Variants in GAB2 observed in about 807,000 individuals in gnomAD.
The protein encoded by GAB2 is GRB2 associated binding protein 2, also known as GRB2-associated-binding protein 2.
GAB2 carries 26 observed loss-of-function variants against 65.5 expected under a neutral mutation model. The ratio of observed to expected loss-of-function variants is 0.40; its 90% CI spans 0.29 to 0.55. GAB2 has a LOEUF of 0.55. Ranked by LOEUF, GAB2 falls within the 20% of genes least tolerant of loss-of-function variation. GAB2 has a pLI of 0.53. For synonymous variants in GAB2, 321 were observed against 329.6 expected, an observed-to-expected ratio of 0.97 and a Z score of 0.28; for missense variants, 884 against 875.8, an observed-to-expected ratio of 1.01 and a Z score of -0.12.
intron 4 of GAB2, 55 bp downstream of exon 4, chr11:78,226,410 G>T: frequency 7.3e-7 from 1 of 1,366,878 alleles, no homozygotes; most frequent in Non-Finnish European, 1.0e-6. Context: ...AAACTATTGA[G>T]AACCCCTGTG....
intron 2 of GAB2, among the ~76,000 whole-genome samples, chr11:78,256,403 C>T (rs1440315031): frequency 6.6e-6 from 1 of 152,010 alleles, no homozygotes; most frequent in Non-Finnish European, 1.5e-5. Flanking sequence ...GGGAGTGATT[C>T]TAGAAATGAT....
chr11:78,295,827 G>C (rs1463563951), intron 1 of GAB2, among the ~76,000 whole-genome samples: 1 of 152,196 alleles, frequency 6.6e-6, no homozygotes, highest in African/African-American at 2.4e-5. Flanking sequence ...CAGGAAAAGA[G>C]AGTAAGATGA....
chr11:78,405,448 T>C (rs1857031481), intron 1 of GAB2, among the ~76,000 whole-genome samples: 1 of 152,202 alleles, frequency 6.6e-6, no homozygotes, highest in African/African-American at 2.4e-5. Flanking sequence ...CTGGGTCTGC[T>C]ACTTACTATA....
chr11:78,222,522 AAT>A (rs1243934652), intron 6 of GAB2, among the ~76,000 whole-genome samples: 1 of 148,334 alleles, frequency 6.7e-6, no homozygotes, highest in African/African-American at 2.4e-5. Context: ...CTATATATAA[AAT>A]ATATTTATAT....
At chr11:78,314,879 T>A (rs1855569979) in intron 1 of GAB2, among the ~76,000 whole-genome samples, 1 of 152,170 alleles carries the variant, frequency 6.6e-6, no homozygotes, top group Non-Finnish European at 1.5e-5. Flanking sequence ...TCAAGAGGCC[T>A]TGGAGAAAGA....
At chr11:78,259,046 C>T (rs1865668962) in intron 2 of GAB2, among the ~76,000 whole-genome samples, 1 of 152,012 alleles carries the variant, frequency 6.6e-6, no homozygotes, top group Non-Finnish European at 1.5e-5. Context: ...TCTGGTAGGC[C>T]CCTGTGCCTG....
In GAB2 at chr11:78,225,209, G is replaced by C; in HGVS notation, c.1208-7C>G. The C allele has an allele frequency of 6.3e-7, 1 of 1,578,530 alleles. No individual in the cohort carries two copies. The highest frequency in any genetic ancestry group is 8.7e-7 in the Non-Finnish European group (1 of 1,147,640). The stretch of plus-strand genomic sequence containing the variant: ...TAGGTCTCACAGGAAGAAGCTGACA[G>C]AGGAAGGAGGATTCATAAGTACTCA... On this transcript the variant is annotated splice_region_variant and splice_polypyrimidine_tract_variant and intron_variant, in intron 4 of 9. Transcript: ENST00000361507.
At chr11:78,306,316 C>T (rs529414968) in intron 1 of GAB2, among the ~76,000 whole-genome samples, 22 of 152,186 alleles carry the variant, frequency 1.4e-4, no homozygotes, top group Admixed American at 3.9e-4. Context: ...CTGCAACCTC[C>T]GCCTCCCAGG....
intron 3 of GAB2, among the ~76,000 whole-genome samples, chr11:78,240,888 G>A (rs755692255): frequency 1.3e-5 from 2 of 152,146 alleles, no homozygotes; most frequent in Non-Finnish European, 1.5e-5. Context: ...ACCATGCTAC[G>A]GAGAGTGAAC....
intron 1 of GAB2, among the ~76,000 whole-genome samples, chr11:78,333,104 T>C (rs538476586): frequency 6.6e-6 from 1 of 152,276 alleles, no homozygotes; most frequent in East Asian, 1.9e-4. Context: ...ACCATCAGTA[T>C]ACTCTTGATC....
chr11:78,367,291 G>T (rs529942667), intron 1 of GAB2, among the ~76,000 whole-genome samples: 1 of 152,208 alleles, frequency 6.6e-6, no homozygotes, highest in Non-Finnish European at 1.5e-5. Context: ...CAAAAATCCT[G>T]CCTTCGAAGG....
At chr11:78,227,970 A>G (rs1864733380) in intron 3 of GAB2, among the ~76,000 whole-genome samples, 1 of 152,206 alleles carries the variant, frequency 6.6e-6, no homozygotes, top group Admixed American at 6.5e-5. Context: ...GGAACTATAT[A>G]TAGAAAAAGT....
intron 1 of GAB2, among the ~76,000 whole-genome samples, chr11:78,357,006 G>A (rs142883982): frequency 3.9e-5 from 6 of 152,260 alleles, no homozygotes; most frequent in African/African-American, 1.4e-4. Flanking sequence ...GTGAGTAGGG[G>A]GTAATAGGGA....
At chr11:78,225,049 G>A in intron 5 of GAB2, 59 bp downstream of exon 5, 2 of 1,012,720 alleles carry the variant, frequency 2.0e-6, no homozygotes, top group South Asian at 1.3e-5. Flanking sequence ...AATTCCATAA[G>A]GTGTGACCTT....
At chr11:78,339,372 G>T (rs1443754695) in intron 1 of GAB2, among the ~76,000 whole-genome samples, 6 of 152,110 alleles carry the variant, frequency 3.9e-5, no homozygotes, top group African/African-American at 1.4e-4. Context: ...TTTCAAGATG[G>T]TCACAAGTCA....
At chr11:78,238,622 A>T (rs1414619784) in intron 3 of GAB2, among the ~76,000 whole-genome samples, 4 of 152,088 alleles carry the variant, frequency 2.6e-5, no homozygotes, top group African/African-American at 7.2e-5. Context: ...TAAAACAGAT[A>T]AAAAAACTAA....
chr11:78,274,516 A>C (rs1429408295), intron 2 of GAB2, among the ~76,000 whole-genome samples: 1 of 152,166 alleles, frequency 6.6e-6, no homozygotes, highest in African/African-American at 2.4e-5. Context: ...ATCCATGGAG[A>C]AGCAGAAGCA....
At chr11:78,291,328 T>C (rs1591005589) in intron 1 of GAB2, among the ~76,000 whole-genome samples, 1 of 143,834 alleles carries the variant, frequency 7.0e-6, no homozygotes, top group African/African-American at 2.6e-5. Context: ...TAGCCAGGCG[T>C]GGTGGCGAGC....
At chr11:78,402,882 C>G (rs892146110) in intron 1 of GAB2, among the ~76,000 whole-genome samples, 2 of 152,178 alleles carry the variant, frequency 1.3e-5, no homozygotes, top group African/African-American at 4.8e-5. Context: ...ATCCTAATCC[C>G]TAAAGTGACC....
Sources: allele counts gnomAD v4.1 joint callset (sites outside exome capture counted in the v4.1 genomes callset), GRCh38; gene constraint gnomAD v4.1.1; transcripts MANE v1.5; gene names NCBI Gene and HGNC (gene_info 2026-07-23, HGNC 2026-07-21).